LRP1B: variants seen among roughly 807,000 people sequenced by gnomAD.
LRP1B encodes LDL receptor related protein 1B.
A neutral mutation model predicts 556.6 loss-of-function variants in LRP1B; 217 were observed. The ratio of observed to expected loss-of-function variants is 0.39; its 90% CI spans 0.35 to 0.44. LRP1B has a LOEUF of 0.44. Ranked by LOEUF, LRP1B falls within the 20% of genes least tolerant of loss-of-function variation. LRP1B has a pLI of 1.00. For synonymous variants in LRP1B, 2,047 were observed against 1,865.8 expected (o/e 1.10, Z -2.50); for missense variants, 5,053 against 5,620.8 (o/e 0.90, Z 3.23).
intron 2 of LRP1B, among the ~76,000 whole-genome samples, chr2:141,613,640 G>A (rs552313991): frequency 1.2e-4 from 18 of 152,082 alleles, no homozygotes; most frequent in Middle Eastern, 3.4e-3. Context: ...GCTAACCTTC[G>A]CAAACGTGTC....
At chr2:140,983,692 T>A (rs184512112) in intron 17 of LRP1B, among the ~76,000 whole-genome samples, 2 of 152,232 alleles carry the variant, frequency 1.3e-5, no homozygotes, top group East Asian at 3.9e-4. Flanking sequence ...ACTGGCTTGG[T>A]TTGATACATT....
At chr2:141,417,131 C>T (rs2104955709) in intron 3 of LRP1B, among the ~76,000 whole-genome samples, 1 of 152,204 alleles carries the variant, frequency 6.6e-6, no homozygotes. Flanking sequence ...AGGAGAAATT[C>T]ACATATTTTA....
chr2:141,940,684 A>G (rs1171374619), intron 1 of LRP1B, among the ~76,000 whole-genome samples: 1 of 152,202 alleles, frequency 6.6e-6, no homozygotes, highest in Non-Finnish European at 1.5e-5. Context: ...AGTGTAATAA[A>G]ATACAAGTGT....
At chr2:140,874,398 A>C (rs895948981) in intron 25 of LRP1B, among the ~76,000 whole-genome samples, 1 of 152,154 alleles carries the variant, frequency 6.6e-6, no homozygotes, top group Admixed American at 6.6e-5. Flanking sequence ...AGCTCATATA[A>C]GTTTTTTTCA....
chr2:141,807,213 G>T (rs1195707403), intron 2 of LRP1B, among the ~76,000 whole-genome samples: 1 of 151,880 alleles, frequency 6.6e-6, no homozygotes, highest in East Asian at 1.9e-4. Flanking sequence ...AAATGATAAT[G>T]GTGAACATCT....
chr2:141,978,224 A>G (rs1701939437), intron 1 of LRP1B, among the ~76,000 whole-genome samples: 1 of 152,174 alleles, frequency 6.6e-6, no homozygotes, highest in South Asian at 2.1e-4. Flanking sequence ...CACAACGTCT[A>G]TGCTTAATTG....
intron 6 of LRP1B, among the ~76,000 whole-genome samples, chr2:141,191,492 T>C (rs1681503699): frequency 6.6e-6 from 1 of 151,938 alleles, no homozygotes; most frequent in Non-Finnish European, 1.5e-5. Context: ...AAGGGTATAT[T>C]GTCAAAACAA....
At chr2:140,955,135 G>A (rs2105307400) in intron 18 of LRP1B, among the ~76,000 whole-genome samples, 1 of 151,988 alleles carries the variant, frequency 6.6e-6, no homozygotes, top group Middle Eastern at 3.4e-3. Context: ...TACCCTGAAA[G>A]CATTTAATGT....
intron 43 of LRP1B, among the ~76,000 whole-genome samples, chr2:140,548,622 C>T (rs569080181): frequency 6.6e-6 from 1 of 152,128 alleles, no homozygotes; most frequent in East Asian, 1.9e-4. Context: ...TCTCCCTCAT[C>T]CTCTATCAAA....
chr2:141,609,599 T>A (rs565512783), intron 2 of LRP1B, among the ~76,000 whole-genome samples: 2 of 152,340 alleles, frequency 1.3e-5, no homozygotes, highest in East Asian at 3.9e-4. Flanking sequence ...CATGACTGTA[T>A]TTAACAATCA....
At chr2:141,422,638 T>C (rs1680184959) in intron 3 of LRP1B, among the ~76,000 whole-genome samples, 1 of 152,224 alleles carries the variant, frequency 6.6e-6, no homozygotes, top group Non-Finnish European at 1.5e-5. Flanking sequence ...TTTAAGTTCA[T>C]CCTTACCTTT....
rs1288533088 is a variant in LRP1B, at chr2:140,923,100, G to A, written c.3184C>T (p.Pro1062Ser). 2 of 1,612,122 alleles carry A rather than the reference G, an allele frequency of 1.2e-6. No individual in the cohort carries two copies. The highest frequency in any genetic ancestry group is 1.1e-5 in the South Asian group (1 of 90,904). ...AAATCAGGAACGCAATTACCATCAG[G>A]GTGGCACTGAAATTCATTTCCGTTA... is the stretch of plus-strand genomic sequence containing the variant. ...GCNGNEFQCH[P>S]DGNCVPDLWR... The change falls in exon 21 of 91, where the codon CCT becomes TCT. Residue 1062 changes from proline to serine, a missense_variant. Transcript: ENST00000389484.
At chr2:141,336,113 C>CTAAA (rs1559013615) in intron 3 of LRP1B, among the ~76,000 whole-genome samples, 1 of 29,462 alleles carries the variant, frequency 3.4e-5, no homozygotes, top group Non-Finnish European at 7.8e-5. Flanking sequence ...CCAGACCTGT[C>CTAAA]CAAAAAAAAA....
chr2:141,638,636 C>T lies in LRP1B; in HGVS notation c.206-158103G>A, dbSNP rs1406385734. 1.7e-5 allele frequency among the ~76,000 whole-genome samples: 2 copies of T among 114,532 alleles called. 1 individual carries two copies. Among genetic ancestry groups the T allele is most frequent in the African/African-American group, 6.0e-5 (2 of 33,336 alleles). 75.1% of individuals were successfully genotyped at this position (114,532 alleles called of 152,430 possible). A position where few individuals can be genotyped will look rare whatever the true frequency, so the allele number is the denominator to read the frequency against. On this transcript the variant is annotated intron_variant, in intron 2 of 90. Coordinates refer to ENST00000389484, the MANE Select transcript of LRP1B (RefSeq NM_018557.3). ...TTGCGTGGTCTCTTCACACAAAGCA[C>T]AGAGCACCACGCAGACTGAGAAAGT...
chr2:140,325,955 T>C (rs1160429775), intron 79 of LRP1B, 77 bp from the exon 80 acceptor site: 7 of 899,148 alleles, frequency 7.8e-6, no homozygotes, highest in Admixed American at 1.8e-5. Flanking sequence ...TGCTTCTTAT[T>C]GTATAATTAC....
intron 4 of LRP1B, among the ~76,000 whole-genome samples, chr2:141,249,781 C>G (rs1684195746): frequency 6.6e-6 from 1 of 152,004 alleles, no homozygotes; most frequent in South Asian, 2.1e-4. Context: ...TTAAAATTCC[C>G]ATTTAGATTC....
chr2:141,595,539 GAC>G (rs1397568143), intron 2 of LRP1B, among the ~76,000 whole-genome samples: 3 of 152,046 alleles, frequency 2.0e-5, no homozygotes, highest in Non-Finnish European at 2.9e-5. Flanking sequence ...AGAAAAATAT[GAC>G]AGAGTTTTGA....
intron 1 of LRP1B, among the ~76,000 whole-genome samples, chr2:141,888,539 G>A (rs191575264): frequency 1.3e-5 from 2 of 152,244 alleles, no homozygotes; most frequent in Non-Finnish European, 2.9e-5. Context: ...ATCTTTAAAT[G>A]AGAATCAAGA....
intron 41 of LRP1B, among the ~76,000 whole-genome samples, chr2:140,669,682 C>A (rs1348828775): frequency 6.6e-6 from 1 of 151,894 alleles, no homozygotes; most frequent in Admixed American, 6.6e-5. Flanking sequence ...TGTTTTTTCC[C>A]AGTCTACCAT....
Sources: allele counts gnomAD v4.1 joint callset (sites outside exome capture counted in the v4.1 genomes callset), GRCh38; gene constraint gnomAD v4.1.1; transcripts MANE v1.5; gene names NCBI Gene and HGNC (gene_info 2026-07-23, HGNC 2026-07-21).